Variants in NSL1 observed in about 807,000 individuals in gnomAD.
The protein encoded by NSL1 is NSL1 component of MIS12 kinetochore complex.
NSL1 carries 11 observed loss-of-function variants against 25.4 expected under a neutral mutation model. The observed-to-expected ratio is 0.43, with a 90% CI of 0.27 to 0.72. NSL1 has a LOEUF of 0.72. Ranked by LOEUF, NSL1 falls within the 30% of genes least tolerant of loss-of-function variation. NSL1 has a pLI of 0.19. For synonymous variants in NSL1, 118 were observed against 120.6 expected, an observed-to-expected ratio of 0.98 and a Z score of 0.14; for missense variants, 330 against 342.7, an observed-to-expected ratio of 0.96 and a Z score of 0.29.
chr1:212,777,687 AAG>A (rs750230702), intron 4 of NSL1, among the ~76,000 whole-genome samples: 7 of 152,206 alleles, frequency 4.6e-5, no homozygotes, highest in Non-Finnish European at 8.8e-5. Context: ...CTTCTGAGGT[AAG>A]AGAGGGAGTG....
chr1:212,731,075 C>T lies in NSL1; in HGVS notation c.*7333G>A. On this transcript the variant is annotated 3_prime_UTR_variant, in exon 6 of 6. Transcript: ENST00000366977. Reference sequence around the variant, plus strand: ...AATATAACATTAATTTTCTCAAATCCTTTCATATAAAATCCCCAAGAACCC... The same window carrying T: ...AATATAACATTAATTTTCTCAAATCTTTTCATATAAAATCCCCAAGAACCC... 3.0e-6 allele frequency: 3 copies of T among 984,990 alleles called. No individual in the cohort carries two copies. The highest frequency in any genetic ancestry group is 3.6e-6 in the Non-Finnish European group (3 of 829,738). The allele number at this position is 984,990 out of a possible 1,614,324, so 61.0% of individuals were successfully genotyped here. A position where few individuals can be genotyped will look rare whatever the true frequency, so the allele number is the denominator to read the frequency against.
intron 4 of NSL1, among the ~76,000 whole-genome samples, chr1:212,768,319 C>CA (rs34528216): frequency 0.15 from 10,657 of 68,928 alleles, 1,269 homozygotes; most frequent in African/African-American, 0.27. Flanking sequence ...GACTCCGTCT[C>CA]AAAAAAAAAA....
rs76526661 is a variant in NSL1, at chr1:212,779,847, C to A, written c.499+2525G>T. ...GAGGGAGGTGGGGGGGTCAGCCCCCCGCCCGACCAGCCGCCCCGTCCGGGA... is the reference window on the plus strand; with the variant it reads ...GAGGGAGGTGGGGGGGTCAGCCCCCAGCCCGACCAGCCGCCCCGTCCGGGA... On this transcript the variant is annotated intron_variant, in intron 4 of 5. Coordinates refer to ENST00000366977, the MANE Select transcript of NSL1 (RefSeq NM_015471.4). Among the ~76,000 whole-genome samples, 78 of 100,496 alleles carry A rather than the reference C, an allele frequency of 7.8e-4. No homozygotes were observed. In the East Asian group the frequency reaches 0.021, roughly 27 times the overall value. The allele number at this position is 100,496 out of a possible 152,430, so 65.9% of individuals were successfully genotyped here.
chr1:212,741,917 T>C (rs1658523909), intron 4 of NSL1, among the ~76,000 whole-genome samples: 1 of 152,142 alleles, frequency 6.6e-6, no homozygotes, highest in Non-Finnish European at 1.5e-5. Context: ...CCTCACCTCC[T>C]GCCTGAATGG....
intron 1 of NSL1, among the ~76,000 whole-genome samples, chr1:212,787,984 G>A (rs1661013893): frequency 6.6e-6 from 1 of 152,154 alleles, no homozygotes; most frequent in African/African-American, 2.4e-5. Flanking sequence ...ATATGCTGCT[G>A]AATGACTGTT....
intron 4 of NSL1, among the ~76,000 whole-genome samples, chr1:212,753,617 G>C (rs1659166155): frequency 1.3e-5 from 2 of 152,056 alleles, no homozygotes; most frequent in African/African-American, 4.8e-5. Context: ...GCCACATTGA[G>C]AACAGTTCTG....
intron 4 of NSL1, among the ~76,000 whole-genome samples, chr1:212,741,190 A>G (rs1470407165): frequency 6.6e-6 from 1 of 152,056 alleles, no homozygotes; most frequent in East Asian, 1.9e-4. Context: ...AACAATTGTT[A>G]AATTTTCTCT....
chr1:212,765,884 C>A (rs893892837), intron 4 of NSL1, among the ~76,000 whole-genome samples: 1 of 151,836 alleles, frequency 6.6e-6, no homozygotes, highest in Non-Finnish European at 1.5e-5. Context: ...CACCTATAAT[C>A]CCAGCACTTT....
chr1:212,732,157 T>C lies in NSL1; in HGVS notation c.*6251A>G. On this transcript the variant is annotated 3_prime_UTR_variant, in exon 6 of 6. Coordinates refer to ENST00000366977, the MANE Select transcript of NSL1 (RefSeq NM_015471.4). The stretch of plus-strand genomic sequence containing the variant: ...CTTTTTTTGTACAGCTTTCTGCCTC[T>C]ACTGTAGTGAATAACTGCCTTATTT... 1 of 985,086 alleles carries C rather than the reference T, an allele frequency of 1.0e-6. No individual in the cohort carries two copies. The highest frequency in any genetic ancestry group is 1.2e-6 in the Non-Finnish European group (1 of 829,652). 61.0% of individuals were successfully genotyped at this position (985,086 alleles called of 1,614,324 possible).
At chr1:212,775,234 G>C (rs569652796) in intron 4 of NSL1, among the ~76,000 whole-genome samples, 1 of 152,290 alleles carries the variant, frequency 6.6e-6, no homozygotes, top group Non-Finnish European at 1.5e-5. Context: ...GGCCGCCTAG[G>C]ACCAGGGAAG....
chr1:212,734,355 G>A lies in NSL1; in HGVS notation c.*4053C>T, dbSNP rs1196509002. 2.6e-5 allele frequency among the ~76,000 whole-genome samples: 4 copies of A among 152,150 alleles called. No homozygotes were observed. Among genetic ancestry groups the A allele is most frequent in the Non-Finnish European group, 4.4e-5 (3 of 68,022 alleles). On this transcript the variant is annotated 3_prime_UTR_variant, in exon 6 of 6. Transcript: ENST00000366977. ...AGTTTTTGGGTCTGTCTTTGATGCT[G>A]GAGACGCTCCTCAAATATTTGGTGA...
chr1:212,788,268 C>G (rs1453964017), intron 1 of NSL1, among the ~76,000 whole-genome samples: 1 of 152,132 alleles, frequency 6.6e-6, no homozygotes, highest in African/African-American at 2.4e-5. Context: ...TAAAAATTAG[C>G]CAGGCACAGT....
Position 212,728,322 on chromosome 1 carries a change from TC to T in NSL1, c.*10085del. ...GTACAATTCCAGGCATAAAGTGGAT[TC>T]TTTATATGCCTGTTTTAAAAATATG... On this transcript the variant is annotated 3_prime_UTR_variant, in exon 6 of 6. Coordinates refer to ENST00000366977, the MANE Select transcript of NSL1 (RefSeq NM_015471.4). 1 of 984,120 alleles carries T rather than the reference TC, an allele frequency of 1.0e-6. No individual in the cohort carries two copies. Among genetic ancestry groups the T allele is most frequent in the Non-Finnish European group, 1.2e-6 (1 of 828,692 alleles). 61.0% of individuals were successfully genotyped at this position (984,120 alleles called of 1,614,324 possible).
chr1:212,778,549 C>A (rs1280435753), intron 4 of NSL1, among the ~76,000 whole-genome samples: 2 of 151,642 alleles, frequency 1.3e-5, no homozygotes, highest in African/African-American at 4.8e-5. Context: ...CAGGCGCGCG[C>A]CGCCACGCCT....
At position 212,734,517 on chromosome 1, in the gene NSL1, C is replaced by T. The variant is rs2102423408; in HGVS notation, c.*3891G>A. On this transcript the variant is annotated 3_prime_UTR_variant, in exon 6 of 6. Coordinates refer to ENST00000366977, the MANE Select transcript of NSL1 (RefSeq NM_015471.4). ...TCAAGATACAGAACATTTTGCTCAC[C>T]CAAAAATGTTTCCCGTGCCATTCCC... Among the ~76,000 whole-genome samples, 1 of 152,244 alleles carries T rather than the reference C, an allele frequency of 6.6e-6. No homozygotes were observed. Among genetic ancestry groups the T allele is most frequent in the East Asian group, 1.9e-4 (1 of 5,190 alleles).
At chr1:212,784,671 CAATT>C (rs1660866387) in intron 2 of NSL1, among the ~76,000 whole-genome samples, 178 bp from the exon 3 acceptor site, 1 of 152,134 alleles carries the variant, frequency 6.6e-6, no homozygotes, top group East Asian at 1.9e-4. Context: ...ATTGAACAAT[CAATT>C]ATTGAGCATC....
At chr1:212,776,320 G>A (rs563115009) in intron 4 of NSL1, among the ~76,000 whole-genome samples, 13 of 151,606 alleles carry the variant, frequency 8.6e-5, no homozygotes, top group South Asian at 2.1e-4. Flanking sequence ...CCAAGATCGC[G>A]CCATTGCACT....
Position 212,727,708 on chromosome 1 carries a change from TATG to T in NSL1, c.*10697_*10699del, listed in dbSNP as rs1177884953. On this transcript the variant is annotated 3_prime_UTR_variant, in exon 6 of 6. Transcript: ENST00000366977. ...TTCCCACGATGAAAGAATGACTAGC[TATG>T]ATGATTTATATTTCCCAAGAAATTA... 3 of 984,520 alleles carry T rather than the reference TATG, an allele frequency of 3.0e-6. No homozygotes were observed. The African/African-American group carries it at 5.2e-5, about 17-fold the overall frequency. 61.0% of individuals were successfully genotyped at this position (984,520 alleles called of 1,614,324 possible).
intron 4 of NSL1, among the ~76,000 whole-genome samples, chr1:212,779,941 C>T (rs1463897204): frequency 1.9e-4 from 29 of 149,978 alleles, no homozygotes; most frequent in African/African-American, 5.6e-4. Flanking sequence ...CGCCTCTGCC[C>T]GGCCGCCCCT....
Sources: allele counts gnomAD v4.1 joint callset (sites outside exome capture counted in the v4.1 genomes callset), GRCh38; gene constraint gnomAD v4.1.1; transcripts MANE v1.5; gene names NCBI Gene and HGNC (gene_info 2026-07-23, HGNC 2026-07-21).